Variants in ABCA12 observed in about 807,000 individuals in gnomAD.
ABCA12 encodes glucosylceramide transporter ABCA12.
A neutral mutation model predicts 293.5 loss-of-function variants in ABCA12; 156 were observed. That is an observed-to-expected ratio of 0.53 (90% CI 0.47 to 0.61). The LOEUF (loss-of-function observed/expected upper bound fraction) is 0.61. ABCA12 is among the 20% of genes least tolerant of loss of function. The probability of loss-of-function intolerance (pLI) is 0.00; values close to 1 mark genes in which losing one functional copy is unlikely to be tolerated. For synonymous variants in ABCA12, 1,063 were observed against 1,108.0 expected (o/e 0.96, Z 0.81); for missense variants, 2,797 against 3,090.2 (o/e 0.91, Z 2.25).
chr2:215,073,854 G>A (rs1464719025), intron 2 of ABCA12, among the ~76,000 whole-genome samples: 2 of 152,194 alleles, frequency 1.3e-5, no homozygotes, highest in Non-Finnish European at 2.9e-5. Context: ...GGGGTTTGGA[G>A]GAGTAGAGTG....
chr2:214,944,182 G>GT (rs35706758), intron 49 of ABCA12, among the ~76,000 whole-genome samples: 86,773 of 151,762 alleles, frequency 0.57, 25,755 homozygotes, highest in African/African-American at 0.74. Context: ...GTAGGCCAAG[G>GT]GGGTGTATCA....
chr2:214,984,141 GGCTGGAGTGCAGTGGCACGATCTCA>G (rs1409562799), intron 28 of ABCA12, among the ~76,000 whole-genome samples: 10 of 110,584 alleles, frequency 9.0e-5, no homozygotes, highest in African/African-American at 3.5e-4. Context: ...CTGTCGCCCA[GGCTGGAGTGCAGTGGCACGATCTCA>G]GCTCACTGCA....
intron 9 of ABCA12, among the ~76,000 whole-genome samples, chr2:215,027,223 G>A (rs1346555208): frequency 6.6e-6 from 1 of 152,144 alleles, no homozygotes; most frequent in Non-Finnish European, 1.5e-5. Flanking sequence ...GCGGGCGCCT[G>A]TAGTCCCAGC....
At chr2:215,108,577 C>T (rs918031642) in intron 2 of ABCA12, among the ~76,000 whole-genome samples, 2 of 152,116 alleles carry the variant, frequency 1.3e-5, no homozygotes, top group Admixed American at 6.5e-5. Flanking sequence ...ATGAATAATA[C>T]AGTCACCACC....
chr2:214,947,787 C>T, intron 47 of ABCA12: 3 of 537,256 alleles, frequency 5.6e-6, no homozygotes, highest in Non-Finnish European at 9.8e-6. Context: ...ATGGGATTCC[C>T]TCCCCCACCA....
chr2:215,051,609 AGTGTGTGTGT>A (rs3050094), intron 5 of ABCA12, among the ~76,000 whole-genome samples: 59 of 121,432 alleles, frequency 4.9e-4, no homozygotes, highest in African/African-American at 9.7e-4. Context: ...TAAAAACGCT[AGTGTGTGTGT>A]GTGTGTGTGT....
rs531970557 is a variant in ABCA12 at position 215,000,395 on chromosome 2, T to C, written c.3179+310A>G. 3.3e-5 allele frequency among the ~76,000 whole-genome samples: 5 copies of C among 152,258 alleles called. No homozygotes were observed. In the South Asian group the frequency reaches 8.3e-4, roughly 25 times the overall value. ...AGAGGGAGGTAAGCCCAGTAGACAG[T>C]GGGGAACATCAAAATCATGCAGCAA... On this transcript the variant is annotated intron_variant, in intron 22 of 52. Coordinates refer to ENST00000272895, the MANE Select transcript of ABCA12 (RefSeq NM_173076.3).
At chr2:215,110,238 C>T (rs561037284) in intron 2 of ABCA12, among the ~76,000 whole-genome samples, 35 of 152,266 alleles carry the variant, frequency 2.3e-4, no homozygotes, top group Middle Eastern at 6.8e-3. Flanking sequence ...TGGCTGGGCG[C>T]GGTGGCTCAC....
intron 7 of ABCA12, among the ~76,000 whole-genome samples, chr2:215,041,377 C>T (rs908828579): frequency 1.3e-5 from 2 of 151,912 alleles, no homozygotes; most frequent in African/African-American, 4.8e-5. Context: ...TATGGTGAAA[C>T]CCCGTCTCTA....
intron 1 of ABCA12, among the ~76,000 whole-genome samples, chr2:215,129,308 G>A (rs1158000467): frequency 6.6e-6 from 1 of 152,192 alleles, no homozygotes; most frequent in Non-Finnish European, 1.5e-5. Context: ...TCCTTCAGAA[G>A]GTCTGTGTCT....
chr2:215,019,006 C>T (rs1315551513), intron 13 of ABCA12, among the ~76,000 whole-genome samples: 7 of 152,172 alleles, frequency 4.6e-5, no homozygotes, highest in Admixed American at 2.0e-4. Context: ...GTTATTTTCA[C>T]AGAAGCAAGT....
intron 48 of ABCA12, 45 bp downstream of exon 48, chr2:214,947,377 C>G: frequency 3.7e-6 from 6 of 1,611,822 alleles, no homozygotes; most frequent in Non-Finnish European, 5.1e-6. Flanking sequence ...ATCAGATATG[C>G]TGTTCTAATT....
In ABCA12 at chr2:215,045,857, A is replaced by C; in HGVS notation, c.852T>G (p.Asp284Glu). Residue 284 changes from aspartate to glutamate, a missense_variant, in exon 7 of 53, where the codon GAT (aspartate) becomes GAG (glutamate). By Grantham distance (45) the Asp-to-Glu change is conservative. Coordinates refer to ENST00000272895, the MANE Select transcript of ABCA12 (RefSeq NM_173076.3). ...CTTACCTGTTTGCCTTTCGAAGAAC[A>C]TCAAATAGATTGCTTAGTGATGTGT... Reference protein sequence around the residue: ...QNDTSLSNLFDVLRKANSVLL... With the variant: ...QNDTSLSNLFEVLRKANSVLL... 3 of 1,613,540 alleles carry C rather than the reference A, an allele frequency of 1.9e-6. No homozygotes were observed. Among genetic ancestry groups the C allele is most frequent in the Non-Finnish European group, 2.5e-6 (3 of 1,179,684 alleles).
At chr2:214,980,422 C>T in intron 31 of ABCA12, 61 bp downstream of exon 31, 1 of 1,601,152 alleles carries the variant, frequency 6.2e-7, no homozygotes, top group Non-Finnish European at 8.5e-7. Flanking sequence ...GACTCTGCTC[C>T]TATTTCATAT....
chr2:215,064,162 A>C lies in ABCA12; in HGVS notation c.221T>G (p.Leu74Arg). The C allele has an allele frequency of 6.2e-7, 1 of 1,612,912 alleles. No homozygotes were observed. Among genetic ancestry groups the C allele is most frequent in the Non-Finnish European group, 8.5e-7 (1 of 1,179,234 alleles). The change falls in exon 3 of 53, where the codon CTA (leucine) becomes CGA (arginine). Residue 74 changes from leucine (L) to arginine (R), a missense_variant. Leu to Arg is a moderately radical substitution (Grantham distance 102). Coordinates refer to ENST00000272895, the MANE Select transcript of ABCA12 (RefSeq NM_173076.3). ...STGFFPFLQT[L>R]LCDTDSKCKD... The stretch of plus-strand genomic sequence containing the variant: ...GCATTTAGAGTCTGTGTCACAGAGT[A>C]GGGTCTGCAGGAATGGAAAGAATCC...
At chr2:215,036,811 C>G in intron 8 of ABCA12, 142 bp downstream of exon 8, 2 of 753,012 alleles carry the variant, frequency 2.7e-6, no homozygotes, top group Middle Eastern at 3.7e-4. Context: ...TTGATTAACT[C>G]GAGATCCAGA....
chr2:215,008,552 T>C (rs1700303756), intron 18 of ABCA12, among the ~76,000 whole-genome samples: 1 of 152,166 alleles, frequency 6.6e-6, no homozygotes, highest in Admixed American at 6.6e-5. Flanking sequence ...TCACAATGTA[T>C]TCTTGTATGA....
intron 45 of ABCA12, 26 bp downstream of exon 45, chr2:214,950,853 G>C: frequency 1.2e-6 from 2 of 1,606,984 alleles, no homozygotes; most frequent in Non-Finnish European, 1.7e-6. Flanking sequence ...GAAAAGGACA[G>C]TTAGAAACAA....
chr2:215,063,518 C>A (rs1230435050), intron 3 of ABCA12, among the ~76,000 whole-genome samples: 1 of 151,982 alleles, frequency 6.6e-6, no homozygotes, highest in African/African-American at 2.4e-5. Flanking sequence ...TCATTCTTCA[C>A]CTGCTCCTTA....
Sources: allele counts gnomAD v4.1 joint callset (sites outside exome capture counted in the v4.1 genomes callset), GRCh38; gene constraint gnomAD v4.1.1; transcripts MANE v1.5; gene names NCBI Gene and HGNC (gene_info 2026-07-23, HGNC 2026-07-21).